The following INPP5B variants were observed in gnomAD, a reference collection of about 807,000 sequenced individuals.
INPP5B encodes the protein type II inositol 1,4,5-trisphosphate 5-phosphatase.
Under a neutral mutation model 118.5 loss-of-function variants are expected in INPP5B, and 90 were observed. The observed-to-expected ratio is 0.76, with a 90% confidence interval of 0.64 to 0.90. The LOEUF is 0.90. Among genes scored for constraint, INPP5B ranks in the 40% least tolerant of loss-of-function variants. The pLI is 0.00. For synonymous variants in INPP5B, 385 were observed against 418.9 expected (o/e 0.92, Z 0.99); for missense variants, 984 against 1,125.6 (o/e 0.87, Z 1.80).
intron 23 of INPP5B, 31 bp from the exon 24 acceptor site, chr1:37,862,461 T>G (rs1210445917): frequency 2.1e-6 from 3 of 1,403,664 alleles, no homozygotes; most frequent in Non-Finnish European, 2.0e-6. Context: ...AAGAAATGAT[T>G]CAGCAAAAGA....
At chr1:37,894,767 G>C (rs1023749058) in intron 7 of INPP5B, among the ~76,000 whole-genome samples, 1 of 152,012 alleles carries the variant, frequency 6.6e-6, no homozygotes, top group African/African-American at 2.4e-5. Context: ...TGCCATGTTG[G>C]CCAGGCTGGT....
At chr1:37,886,863 CCAAA>C (rs779522319) in intron 12 of INPP5B, 21 bp downstream of exon 12, 42 of 1,583,618 alleles carry the variant, frequency 2.7e-5, no homozygotes, top group Non-Finnish European at 3.5e-5. Flanking sequence ...CCTCAATGTG[CCAAA>C]CAAACCAACC....
In INPP5B at chr1:37,932,030, G is replaced by A. The variant is rs1241583380; in HGVS notation, c.415C>T (p.Pro139Ser). ...TACCGAGACAGCCACAGGAATTCAG[G>A]ATCCCGGGTCGCAGAATCGAAGCCT... ...CPGFDSATRD[P>S]EFLWLSRYRC... The change falls in exon 7 of 24, where the codon CCT becomes TCT. Residue 139 changes from proline (P) to serine (S), a missense_variant. Physicochemically the swap from Pro to Ser is moderately conservative, Grantham distance 74. Around this residue, in one of 2 missense-constraint regions of INPP5B, gnomAD observed 350 missense variants for 334.6 expected, o/e 1.05. Transcript: ENST00000373024. 1 of 1,601,880 alleles carries A rather than the reference G, an allele frequency of 6.2e-7. No homozygotes were observed. Among genetic ancestry groups the A allele is most frequent in the Non-Finnish European group, 8.5e-7 (1 of 1,172,836 alleles).
At chr1:37,871,227 G>A (rs1463033743) in intron 19 of INPP5B, among the ~76,000 whole-genome samples, 1 of 151,548 alleles carries the variant, frequency 6.6e-6, no homozygotes, top group African/African-American at 2.4e-5. Context: ...GGAAGCTGGG[G>A]CGGGCAGATC....
At chr1:37,931,535 C>G (rs1325131401) in intron 7 of INPP5B, 1 of 1,536,306 alleles carries the variant, frequency 6.5e-7, no homozygotes, top group Middle Eastern at 1.7e-4. Flanking sequence ...AGTGTCCCAG[C>G]CTCCAGAGGG....
chr1:37,933,581 G>A (rs1645573010), intron 6 of INPP5B, among the ~76,000 whole-genome samples: 3 of 150,758 alleles, frequency 2.0e-5, no homozygotes, highest in East Asian at 2.0e-4. Context: ...TTAGCCGGGT[G>A]TGGTGGCGGG....
In INPP5B at chr1:37,875,711, C is replaced by A. The variant is rs753620651; in HGVS notation, c.1683G>T (p.Arg561Ser). Residue 561 changes from arginine (R) to serine (S), a missense_variant, in exon 17 of 24, where the codon AGG becomes AGT. Transcript: ENST00000373024. ...PVSSVFDIGVRVVNDELYRKT... is the reference protein window; with the variant it reads ...PVSSVFDIGVSVVNDELYRKT... ...TCCGGTAAAGCTCGTCATTTACGAC[C>A]CTCACCTGAAAGGGAAACATCAGAG... 120 of 1,612,712 alleles carry A rather than the reference C, an allele frequency of 7.4e-5. No homozygotes were observed. Among genetic ancestry groups the A allele is most frequent in the Non-Finnish European group, 9.2e-5 (109 of 1,178,806 alleles).
chr1:37,888,946 T>C (rs1643689578), intron 9 of INPP5B, among the ~76,000 whole-genome samples: 2 of 152,178 alleles, frequency 1.3e-5, no homozygotes, highest in South Asian at 2.1e-4. Flanking sequence ...GTATAAAACC[T>C]TGGAGGGATA....
intron 7 of INPP5B, among the ~76,000 whole-genome samples, chr1:37,896,472 G>C (rs1422631547): frequency 6.7e-6 from 1 of 149,944 alleles, no homozygotes; most frequent in African/African-American, 2.5e-5. Context: ...GAGGGAGGTG[G>C]GGGGATCAGC....
At chr1:37,887,596 C>A in intron 10 of INPP5B, 131 bp from the exon 11 acceptor site, 1 of 584,766 alleles carries the variant, frequency 1.7e-6, no homozygotes, top group Non-Finnish European at 3.1e-6. Flanking sequence ...AAAAAATAAA[C>A]ATTTAGAGCC....
intron 7 of INPP5B, among the ~76,000 whole-genome samples, chr1:37,896,456 G>C (rs1209168628): frequency 6.7e-6 from 1 of 149,936 alleles, no homozygotes; most frequent in Non-Finnish European, 1.5e-5. Flanking sequence ...CAGCTGCCCC[G>C]TCCGGGAGGG....
At chr1:37,923,112 G>C (rs536259634) in intron 7 of INPP5B, among the ~76,000 whole-genome samples, 12 of 152,286 alleles carry the variant, frequency 7.9e-5, no homozygotes, top group African/African-American at 2.6e-4. Context: ...AAAGCACCTT[G>C]GGCTAGAAAT....
At chr1:37,875,788 T>C (rs1642762775) in intron 16 of INPP5B, 72 bp from the exon 17 acceptor site, 1 of 1,057,124 alleles carries the variant, frequency 9.5e-7, no homozygotes, top group African/African-American at 1.6e-5. Flanking sequence ...TAGACGGCAT[T>C]CACAGCACTG....
intron 7 of INPP5B, among the ~76,000 whole-genome samples, chr1:37,910,792 C>T (rs909348356): frequency 6.6e-6 from 1 of 152,150 alleles, no homozygotes; most frequent in South Asian, 2.1e-4. Context: ...AGGATCTGCA[C>T]CCTATCGACC....
In INPP5B at chr1:37,870,595, C is replaced by T. The variant is rs957473336; in HGVS notation, c.2188-1981G>A. ...GGCCCTAAACAAGACACCTCAGAGACCTCCCTCCCCTCTTCTGCCATGTAA... is the reference window on the plus strand; with the variant it reads ...GGCCCTAAACAAGACACCTCAGAGATCTCCCTCCCCTCTTCTGCCATGTAA... On this transcript the variant is annotated intron_variant, in intron 19 of 23. Transcript: ENST00000373024. 4 of 152,384 alleles carry T rather than the reference C, an allele frequency of 2.6e-5. No individual in the cohort carries two copies. In the East Asian group the frequency reaches 7.7e-4, roughly 29 times the overall value. 9.4% of individuals were successfully genotyped at this position (152,384 alleles called of 1,614,324 possible).
intron 6 of INPP5B, among the ~76,000 whole-genome samples, chr1:37,933,719 C>CAATCAATA (rs1645580728): frequency 7.2e-6 from 1 of 138,506 alleles, no homozygotes; most frequent in African/African-American, 2.7e-5. Context: ...GACTCTGTCT[C>CAATCAATA]AATAAATAAA....
chr1:37,945,139 G>A (rs1000211308), intron 3 of INPP5B, among the ~76,000 whole-genome samples: 1 of 151,024 alleles, frequency 6.6e-6, no homozygotes, highest in African/African-American at 2.4e-5. Flanking sequence ...CTAAAAAAAA[G>A]ATCATGTGAG....
At chr1:37,871,065 A>C (rs1282127295) in intron 19 of INPP5B, among the ~76,000 whole-genome samples, 1 of 150,816 alleles carries the variant, frequency 6.6e-6, no homozygotes, top group Non-Finnish European at 1.5e-5. Context: ...GCTGAGGCAC[A>C]AGAATCGCTT....
At chr1:37,895,195 C>A (rs1643981468) in intron 7 of INPP5B, among the ~76,000 whole-genome samples, 1 of 152,090 alleles carries the variant, frequency 6.6e-6, no homozygotes, top group South Asian at 2.1e-4. Context: ...GACAAGGATG[C>A]AGAGGAGCCA....
Sources: gnomAD v4.1 joint callset for allele counts (sites outside exome capture counted in the v4.1 genomes callset) on GRCh38, gnomAD v4.1.1 for gene constraint, gnomAD v4.1.1 regional missense constraint, MANE v1.5 for transcripts, NCBI Gene and HGNC (gene_info 2026-07-23, HGNC 2026-07-21) for gene names.